The following STX17 variants were observed in gnomAD, a reference collection of about 807,000 sequenced individuals.
The protein encoded by STX17 is syntaxin-17.
In STX17, 29 loss-of-function variants were observed where a neutral mutation model predicts 35.9. The observed-to-expected ratio is 0.81, with a 90% CI of 0.60 to 1.10. The LOEUF (loss-of-function observed/expected upper bound fraction) is 1.10. STX17 is among the 50% of genes least tolerant of loss of function. STX17 has a pLI of 0.00. For synonymous variants in STX17, 92 were observed against 118.3 expected (o/e 0.78, Z 1.44); for missense variants, 312 against 352.3 (o/e 0.89, Z 0.92).
intron 6 of STX17, among the ~76,000 whole-genome samples, chr9:99,964,383 G>C (rs1187710220): frequency 3.3e-5 from 5 of 152,054 alleles, no homozygotes; most frequent in African/African-American, 1.2e-4. Context: ...GAAATCCGTA[G>C]ACATATTCTT....
intron 6 of STX17, among the ~76,000 whole-genome samples, chr9:99,966,025 C>T (rs915791692): frequency 6.6e-6 from 1 of 152,136 alleles, no homozygotes; most frequent in Admixed American, 6.5e-5. Context: ...AAAGGTGGTG[C>T]CCTTGATCTG....
At position 99,950,738 on chromosome 9, in the gene STX17, G is replaced by A. The variant is rs563413503; in HGVS notation, c.190-322G>A. Reference sequence around the variant, plus strand: ...GTGTGGGAGTATTGAGTTAAGAGGGGGTGGGATAGGTGAAGTGAGAATATC... The same window carrying A: ...GTGTGGGAGTATTGAGTTAAGAGGGAGTGGGATAGGTGAAGTGAGAATATC... On this transcript the variant is annotated intron_variant, in intron 3 of 7. Transcript: ENST00000259400. Among the ~76,000 whole-genome samples, 211 of 152,012 alleles carry A rather than the reference G, an allele frequency of 1.4e-3. 2 individuals are homozygous for A. The highest frequency in any genetic ancestry group is 5.0e-3 in the African/African-American group (208 of 41,516).
intron 3 of STX17, among the ~76,000 whole-genome samples, chr9:99,938,602 T>C (rs899027484): frequency 2.0e-5 from 3 of 152,100 alleles, no homozygotes; most frequent in Non-Finnish European, 4.4e-5. Context: ...TTGGGCAACA[T>C]GGTGAAACTC....
chr9:99,958,726 A>G (rs1829764075), intron 4 of STX17, among the ~76,000 whole-genome samples: 1 of 152,256 alleles, frequency 6.6e-6, no homozygotes, highest in African/African-American at 2.4e-5. Context: ...ATCAGCAGGT[A>G]GTAGGCATTT....
chr9:99,948,144 C>T (rs1043551737), intron 3 of STX17, among the ~76,000 whole-genome samples: 2 of 151,936 alleles, frequency 1.3e-5, no homozygotes, highest in African/African-American at 4.8e-5. Flanking sequence ...CCTAGTTGCC[C>T]TATCCAATGT....
chr9:99,915,138 C>T (rs1334339799), intron 1 of STX17, 40 bp from the exon 2 acceptor site: 18 of 1,300,828 alleles, frequency 1.4e-5, no homozygotes, highest in Non-Finnish European at 1.7e-5. Context: ...ATAGTGGAAA[C>T]AGATTTGAAA....
intron 3 of STX17, among the ~76,000 whole-genome samples, chr9:99,937,351 CCTTCT>C (rs1274507552): frequency 2.6e-5 from 4 of 152,086 alleles, no homozygotes; most frequent in African/African-American, 7.2e-5. Flanking sequence ...CTGTCCCCTC[CCTTCT>C]CTTCTCCTTC....
In STX17 at chr9:99,951,048, T is replaced by C. The variant is rs557302214; in HGVS notation, c.190-12T>C. On this transcript the variant is annotated splice_polypyrimidine_tract_variant and intron_variant, in intron 3 of 7. Coordinates refer to ENST00000259400, the MANE Select transcript of STX17 (RefSeq NM_017919.3). ...AAGAAATGGTGGCATTAATGATTTT[T>C]TTCTTTTATAGCAACTCCGATCCAA... 15 of 1,587,550 alleles carry C rather than the reference T, an allele frequency of 9.4e-6. No individual in the cohort carries two copies. The highest frequency in any genetic ancestry group is 4.5e-5 in the East Asian group (2 of 44,600).
At chr9:99,925,049 A>C (rs939679266) in intron 2 of STX17, among the ~76,000 whole-genome samples, 1 of 152,064 alleles carries the variant, frequency 6.6e-6, no homozygotes, top group East Asian at 1.9e-4. Flanking sequence ...CTATTTGTCC[A>C]TCTGTTCTCT....
At position 99,970,389 on chromosome 9, in the gene STX17, G is replaced by T. The variant is rs1829998600; in HGVS notation, c.*1716G>T. The T allele has an allele frequency of 6.6e-6, 1 of 152,128 alleles. No individual in the cohort carries two copies. The highest frequency in any genetic ancestry group is 2.4e-5 in the African/African-American group (1 of 41,414). The allele number at this position is 152,128 out of a possible 1,614,324, so 9.4% of individuals were successfully genotyped here. On this transcript the variant is annotated 3_prime_UTR_variant, in exon 8 of 8. Transcript: ENST00000259400. ...ATCATTAACATATTAATAATACCAA[G>T]AAGGAAATACTTTGAATAAGTGTCA...
At chr9:99,909,417 T>A (rs1179290404) in intron 1 of STX17, among the ~76,000 whole-genome samples, 1 of 152,240 alleles carries the variant, frequency 6.6e-6, no homozygotes, top group Non-Finnish European at 1.5e-5. Context: ...TCAGGCAGCA[T>A]CTATTGAACA....
chr9:99,946,219 A>C (rs1029596792), intron 3 of STX17, among the ~76,000 whole-genome samples: 2 of 152,172 alleles, frequency 1.3e-5, no homozygotes, highest in African/African-American at 2.4e-5. Flanking sequence ...ATTATAAGTA[A>C]TCTAGCGATA....
chr9:99,940,977 C>G (rs1234152829), intron 3 of STX17, among the ~76,000 whole-genome samples: 2 of 152,218 alleles, frequency 1.3e-5, no homozygotes, highest in Non-Finnish European at 2.9e-5. Context: ...TCTCATGTGT[C>G]TCACTTCCAC....
At chr9:99,946,890 G>C (rs1387942253) in intron 3 of STX17, among the ~76,000 whole-genome samples, 1 of 152,066 alleles carries the variant, frequency 6.6e-6, no homozygotes, top group Non-Finnish European at 1.5e-5. Flanking sequence ...GTCTCTAGCT[G>C]CTTTTAGACA....
In STX17 at chr9:99,968,610, G is replaced by C; in HGVS notation, c.846G>C (p.Met282Ile). 2 of 1,613,910 alleles carry C rather than the reference G, an allele frequency of 1.2e-6. No homozygotes were observed. The highest frequency in any genetic ancestry group is 1.7e-6 in the Non-Finnish European group (2 of 1,179,922). The change falls in exon 8 of 8, where the codon ATG (methionine) becomes ATC (isoleucine). Residue 282 changes from methionine (M) to isoleucine (I), a missense_variant. Coordinates refer to ENST00000259400, the MANE Select transcript of STX17 (RefSeq NM_017919.3). ...GKLIQRKKQK[M>I]MEKLTSSCPD... ...TGATACAAAGAAAGAAACAGAAAAT[G>C]ATGGAGAAGCTCACTTCCAGCTGTC...
At chr9:99,928,701 G>A in intron 2 of STX17, 77 bp from the exon 3 acceptor site, 2 of 1,275,892 alleles carry the variant, frequency 1.6e-6, no homozygotes, top group South Asian at 1.2e-5. Context: ...GGGTGGGTGA[G>A]TGGGGATTTT....
intron 3 of STX17, among the ~76,000 whole-genome samples, chr9:99,946,530 T>C (rs1487327066): frequency 6.6e-6 from 1 of 152,198 alleles, no homozygotes; most frequent in Non-Finnish European, 1.5e-5. Context: ...TTAGTAGAGT[T>C]ACTGGTCATC....
intron 6 of STX17, among the ~76,000 whole-genome samples, chr9:99,961,125 G>A (rs1047009999): frequency 6.6e-6 from 1 of 152,192 alleles, no homozygotes; most frequent in Non-Finnish European, 1.5e-5. Context: ...GATTGTGATG[G>A]CTTTGAATGC....
At chr9:99,909,318 C>T (rs1828615400) in intron 1 of STX17, among the ~76,000 whole-genome samples, 1 of 151,942 alleles carries the variant, frequency 6.6e-6, no homozygotes, top group African/African-American at 2.4e-5. Context: ...ATTGAAGCTC[C>T]ATTATCATGG....
Sources: gnomAD v4.1 joint callset for allele counts (sites outside exome capture counted in the v4.1 genomes callset) on GRCh38, gnomAD v4.1.1 for gene constraint, MANE v1.5 for transcripts, NCBI Gene and HGNC (gene_info 2026-07-23, HGNC 2026-07-21) for gene names.